Variants in PDE4D observed in about 807,000 individuals in gnomAD.
The protein encoded by PDE4D is 3',5'-cyclic-AMP phosphodiesterase 4D.
PDE4D carries 24 observed loss-of-function variants against 87.4 expected under a neutral mutation model. That is an observed-to-expected ratio of 0.27 (90% CI 0.20 to 0.39). PDE4D has a LOEUF of 0.39. PDE4D is among the 10% of genes least tolerant of loss of function. PDE4D has a pLI of 1.00. For synonymous variants in PDE4D, 384 were observed against 383.2 expected, an observed-to-expected ratio of 1.00 and a Z score of -0.02; for missense variants, 714 against 1,041.0, an observed-to-expected ratio of 0.69 and a Z score of 4.32.
At chr5:59,254,345 A>G (rs916294898) in intron 1 of PDE4D, among the ~76,000 whole-genome samples, 6 of 152,054 alleles carry the variant, frequency 3.9e-5, no homozygotes, top group African/African-American at 1.4e-4. Flanking sequence ...ATGTGGATTG[A>G]TTTGAATAAA....
intron 1 of PDE4D, among the ~76,000 whole-genome samples, chr5:59,771,348 C>A (rs1177337113): frequency 6.8e-6 from 1 of 147,102 alleles, no homozygotes; most frequent in East Asian, 2.0e-4. Flanking sequence ...TTCTTAGTGA[C>A]CAAGTAAAGG....
intron 1 of PDE4D, among the ~76,000 whole-genome samples, chr5:59,688,765 A>C (rs1220499070): frequency 2.0e-5 from 3 of 152,190 alleles, no homozygotes; most frequent in African/African-American, 7.2e-5. Context: ...CCCTTCAAAA[A>C]ATCAATGAAT....
chr5:60,099,628 TA>T (rs1484478297), intron 2 of PDE4D, among the ~76,000 whole-genome samples: 1 of 151,952 alleles, frequency 6.6e-6, no homozygotes, highest in Non-Finnish European at 1.5e-5. Flanking sequence ...AAATGGTTAT[TA>T]AACTTATGAA....
intron 11 of PDE4D, among the ~76,000 whole-genome samples, chr5:58,985,811 A>G (rs1746291732): frequency 6.6e-6 from 1 of 152,268 alleles, no homozygotes; most frequent in South Asian, 2.1e-4. Flanking sequence ...ACAAATTTTG[A>G]TAAAATATTT....
At chr5:59,715,023 A>G (rs1057008932) in intron 1 of PDE4D, among the ~76,000 whole-genome samples, 8 of 152,250 alleles carry the variant, frequency 5.3e-5, no homozygotes, top group African/African-American at 1.9e-4. Context: ...GGTCCCAACT[A>G]TGGAAAGAAG....
intron 1 of PDE4D, among the ~76,000 whole-genome samples, chr5:60,215,858 G>A (rs1743799596): frequency 6.6e-6 from 1 of 152,136 alleles, no homozygotes; most frequent in African/African-American, 2.4e-5. Context: ...GAATTGAATA[G>A]AGTTCCCTAA....
intron 1 of PDE4D, among the ~76,000 whole-genome samples, chr5:59,869,619 G>A (rs1432331115): frequency 6.6e-6 from 1 of 152,120 alleles, no homozygotes; most frequent in Non-Finnish European, 1.5e-5. Context: ...AGGTGGCCTT[G>A]CATCTAGCAT....
intron 1 of PDE4D, among the ~76,000 whole-genome samples, chr5:59,752,098 G>A (rs1300901483): frequency 6.6e-6 from 1 of 152,226 alleles, no homozygotes; most frequent in East Asian, 1.9e-4. Flanking sequence ...TTTTATGGTT[G>A]AGTAATCATA....
intron 1 of PDE4D, among the ~76,000 whole-genome samples, chr5:59,474,694 A>G (rs1003411036): frequency 2.6e-5 from 4 of 152,118 alleles, no homozygotes; most frequent in African/African-American, 9.7e-5. Flanking sequence ...GAGAACAAGA[A>G]ATAAAATTTG....
At chr5:60,171,326 G>A (rs902660557) in intron 2 of PDE4D, among the ~76,000 whole-genome samples, 1 of 151,930 alleles carries the variant, frequency 6.6e-6, no homozygotes, top group Non-Finnish European at 1.5e-5. Context: ...GAATATGTAC[G>A]GGGAGAGATA....
chr5:60,253,650 T>C (rs1157084992), intron 1 of PDE4D, among the ~76,000 whole-genome samples: 2 of 151,850 alleles, frequency 1.3e-5, no homozygotes, highest in East Asian at 1.9e-4. Context: ...AAAGAATCCA[T>C]TGTGAGGAGA....
rs566504162 is a variant in PDE4D at position 59,943,914 on chromosome 5, G to A, written c.272+44574C>T. Reference sequence around the variant, plus strand: ...TATACTATACCCCAGGGACTATTATGGCAGACGAAGGGAAGCAAGAAGATG... The same window carrying A: ...TATACTATACCCCAGGGACTATTATAGCAGACGAAGGGAAGCAAGAAGATG... On this transcript the variant is annotated intron_variant, in intron 3 of 16. Transcript: ENST00000502484. Among the ~76,000 whole-genome samples, 5 of 152,308 alleles carry A rather than the reference G, an allele frequency of 3.3e-5. No homozygotes were observed. The South Asian group carries it at 8.3e-4, about 25-fold the overall frequency.
chr5:59,618,869 C>G (rs943689618), intron 1 of PDE4D, among the ~76,000 whole-genome samples: 2 of 152,166 alleles, frequency 1.3e-5, no homozygotes, highest in Non-Finnish European at 2.9e-5. Flanking sequence ...TTCTTGCTCT[C>G]TCCTGCCCTC....
intron 6 of PDE4D, among the ~76,000 whole-genome samples, chr5:59,004,838 G>A (rs1014047223): frequency 3.3e-5 from 5 of 152,208 alleles, no homozygotes; most frequent in Non-Finnish European, 5.9e-5. Context: ...AGCACCAGGA[G>A]TACTCCCCAG....
intron 1 of PDE4D, among the ~76,000 whole-genome samples, chr5:59,861,595 C>T (rs146591154): frequency 5.3e-5 from 8 of 152,228 alleles, no homozygotes; most frequent in South Asian, 2.1e-4. Context: ...AGAGGAGTAG[C>T]GCTCTACTTT....
chr5:59,258,372 A>G (rs1761364467), intron 1 of PDE4D, among the ~76,000 whole-genome samples: 4 of 151,948 alleles, frequency 2.6e-5, no homozygotes, highest in Admixed American at 2.6e-4. Context: ...GAATAATTTT[A>G]TTTAGTGAAT....
chr5:60,409,340 G>A (rs1458000235), intron 1 of PDE4D, among the ~76,000 whole-genome samples: 1 of 152,168 alleles, frequency 6.6e-6, no homozygotes, highest in Admixed American at 6.5e-5. Flanking sequence ...TGTTCCAGGA[G>A]CAGAAAGTCT....
intron 1 of PDE4D, among the ~76,000 whole-genome samples, chr5:60,438,759 G>A (rs1744956518): frequency 6.6e-6 from 1 of 152,028 alleles, no homozygotes; most frequent in Non-Finnish European, 1.5e-5. Flanking sequence ...TTAATAGGAG[G>A]AAGGTGCTTG....
intron 1 of PDE4D, among the ~76,000 whole-genome samples, chr5:60,265,522 C>A (rs1750105593): frequency 6.6e-6 from 1 of 152,148 alleles, no homozygotes; most frequent in Non-Finnish European, 1.5e-5. Flanking sequence ...CTTGGTTTTA[C>A]CTTTTACCTC....
Sources: allele counts gnomAD v4.1 joint callset (sites outside exome capture counted in the v4.1 genomes callset), GRCh38; gene constraint gnomAD v4.1.1; transcripts MANE v1.5; gene names NCBI Gene and HGNC (gene_info 2026-07-23, HGNC 2026-07-21).